The following WDTC1 variants were observed in gnomAD, a reference collection of about 807,000 sequenced individuals.
WDTC1 encodes the protein WD and tetratricopeptide repeats 1, also known as WD and tetratricopeptide repeats protein 1.
In WDTC1, 12 loss-of-function variants were observed where a neutral mutation model predicts 76.0. That is an observed-to-expected ratio of 0.16 (90% confidence interval 0.10 to 0.26). The LOEUF (loss-of-function observed/expected upper bound fraction) is 0.26. Ranked by LOEUF, WDTC1 falls within the 10% of genes least tolerant of loss-of-function variation. The pLI, the probability that WDTC1 is intolerant of heterozygous loss-of-function variation, is 1.00. For missense variants in WDTC1, 511 were observed against 908.8 expected (o/e 0.56, Z 5.63); for synonymous variants, 326 against 350.8 (o/e 0.93, Z 0.79).
intron 6 of WDTC1, among the ~76,000 whole-genome samples, chr1:27,289,009 G>A (rs764471529): frequency 0.024 from 3,551 of 147,110 alleles, 74 homozygotes; most frequent in Non-Finnish European, 0.037. Context: ...CCTCCCGGAC[G>A]GGGCGGCTGG....
Position 27,283,340 on chromosome 1 carries a change from T to G in WDTC1, c.182T>G (p.Leu61Trp), listed in dbSNP as rs2013243092. The G allele has an allele frequency of 1.2e-6, 2 of 1,613,634 alleles. No homozygotes were observed. The highest frequency in any genetic ancestry group is 2.7e-5 in the African/African-American group (2 of 74,924). Residue 61 changes from leucine (L) to tryptophan (W), a missense_variant and splice_region_variant, in exon 5 of 16, where the codon TTG becomes TGG. Coordinates refer to ENST00000319394, the MANE Select transcript of WDTC1 (RefSeq NM_001276252.2). ...ACAATCCCTCACTCTGCTTTCAGCT[T>G]GCTGGCCTCTGGTTCCGATGACCAG... ...NCLEWNEKGD[L>W]LASGSDDQHT...
intron 1 of WDTC1, among the ~76,000 whole-genome samples, chr1:27,243,707 C>A (rs1054052566): frequency 6.6e-6 from 1 of 152,088 alleles, no homozygotes; most frequent in Non-Finnish European, 1.5e-5. Flanking sequence ...CACTTGTAAA[C>A]TGTTAGAATG....
chr1:27,306,153 G>GC lies in WDTC1; in HGVS notation c.1837-29dup. 2 of 1,612,992 alleles carry GC rather than the reference G, an allele frequency of 1.2e-6. No homozygotes were observed. The highest frequency in any genetic ancestry group is 1.7e-6 in the Non-Finnish European group (2 of 1,179,536). ...TACCCTGGTGCCTCTCCCTCCCTGA[G>GC]CCCCACGTGTGTCACCCCTTTCTCC... is the stretch of plus-strand genomic sequence containing the variant. On this transcript the variant is annotated intron_variant, in intron 15 of 15. Coordinates refer to ENST00000319394, the MANE Select transcript of WDTC1 (RefSeq NM_001276252.2). The surrounding 1 kb of genome is among the most constrained non-coding windows in gnomAD (Gnocchi z 5.0).
chr1:27,243,283 G>A (rs536726453), intron 1 of WDTC1, among the ~76,000 whole-genome samples: 9 of 143,100 alleles, frequency 6.3e-5, no homozygotes, highest in South Asian at 2.2e-4. Flanking sequence ...CTCGATCTTG[G>A]CTCACTGCAA....
At chr1:27,285,360 G>C (rs1305803820) in intron 5 of WDTC1, among the ~76,000 whole-genome samples, 1 of 152,000 alleles carries the variant, frequency 6.6e-6, no homozygotes, top group Non-Finnish European at 1.5e-5. Context: ...ATGGCCCTTA[G>C]AGAAGCCTAT....
chr1:27,291,577 TG>T (rs1366241755), intron 6 of WDTC1, among the ~76,000 whole-genome samples: 2 of 152,104 alleles, frequency 1.3e-5, no homozygotes, highest in Admixed American at 1.3e-4. Flanking sequence ...TCTGGAGCGG[TG>T]GGAGTTTGCT....
chr1:27,251,325 C>T (rs1382365933), intron 1 of WDTC1, among the ~76,000 whole-genome samples: 3 of 151,892 alleles, frequency 2.0e-5, no homozygotes, highest in Admixed American at 2.0e-4. Context: ...TTTTAGAGCT[C>T]CAGGAATAGA....
chr1:27,257,788 G>T (rs1183712114), intron 1 of WDTC1, among the ~76,000 whole-genome samples: 1 of 151,922 alleles, frequency 6.6e-6, no homozygotes, highest in Non-Finnish European at 1.5e-5. Context: ...CTGTTTTTTT[G>T]TTTGTTTGTT....
rs760302708 is a variant in WDTC1 at position 27,274,102 on chromosome 1, C to T, written c.133-8137C>T. Among the ~76,000 whole-genome samples, 21 of 151,930 alleles carry T rather than the reference C, an allele frequency of 1.4e-4. No individual in the cohort carries two copies. The highest frequency in any genetic ancestry group is 2.5e-4 in the Non-Finnish European group (17 of 67,988). On this transcript the variant is annotated intron_variant, in intron 3 of 15. Coordinates refer to ENST00000319394, the MANE Select transcript of WDTC1 (RefSeq NM_001276252.2). The surrounding 1 kb of genome is among the most constrained non-coding windows in gnomAD (Gnocchi z 4.2). ...AGCCCAGAATTGTGACCAGCCTGGG[C>T]AACATAACAGGACCTCATCTCTACA...
chr1:27,248,606 T>C (rs1356725093), intron 1 of WDTC1, among the ~76,000 whole-genome samples: 1 of 152,228 alleles, frequency 6.6e-6, no homozygotes, highest in African/African-American at 2.4e-5. Context: ...TGTCTGTTAA[T>C]GATACACTTT....
intron 5 of WDTC1, among the ~76,000 whole-genome samples, chr1:27,287,152 G>A (rs2013363179): frequency 6.7e-6 from 1 of 149,898 alleles, no homozygotes; most frequent in Non-Finnish European, 1.5e-5. Flanking sequence ...GACAGAGCGA[G>A]ACGCTGTCTC....
chr1:27,255,296 G>A (rs1428418777), intron 1 of WDTC1, among the ~76,000 whole-genome samples: 1 of 152,098 alleles, frequency 6.6e-6, no homozygotes, highest in Non-Finnish European at 1.5e-5. Flanking sequence ...ACATACCATA[G>A]TTGTCAAGAG....
chr1:27,293,121 T>C (rs2013582270), intron 7 of WDTC1, among the ~76,000 whole-genome samples: 1 of 151,934 alleles, frequency 6.6e-6, no homozygotes, highest in African/African-American at 2.4e-5. Flanking sequence ...AATCCTCGCT[T>C]ATGTTGGAAA....
In WDTC1 at chr1:27,297,174, G is replaced by T; in HGVS notation, c.1058+18G>T. On this transcript the variant is annotated intron_variant, in intron 11 of 15. Transcript: ENST00000319394. ...CATGTCAGGTGAGGCCAGCTGGCTT[G>T]TCCAGCCCTCCAAGCCCCAGTTACA... 6.3e-7 allele frequency: 1 copy of T among 1,583,084 alleles called. No individual in the cohort carries two copies. Among genetic ancestry groups the T allele is most frequent in the Non-Finnish European group, 8.6e-7 (1 of 1,163,212 alleles).
rs1286599216 is a variant in WDTC1 at position 27,303,691 on chromosome 1, A to G, written c.1539A>G (p.Ser513=). The change falls in exon 14 of 16, where the codon TCA becomes TCG. Residue 513 remains serine (S), a synonymous_variant. Transcript: ENST00000319394. The surrounding 1 kb of genome is among the most constrained non-coding windows in gnomAD (Gnocchi z 4.8). ...GCACGAGCCGCAAGGACTCCATCTC[A>G]GAGGATGAAATGGTGCTGCGGGAGC... ...LRSTSRKDSI[S]EDEMVLRERS... The G allele has an allele frequency of 1.2e-6, 2 of 1,613,890 alleles. No individual in the cohort carries two copies. Among genetic ancestry groups the G allele is most frequent in the African/African-American group, 1.3e-5 (1 of 75,048 alleles).
chr1:27,302,155 G>T (rs2013846402), intron 13 of WDTC1, among the ~76,000 whole-genome samples: 1 of 152,310 alleles, frequency 6.6e-6, no homozygotes, highest in Non-Finnish European at 1.5e-5. Flanking sequence ...AAATTAATTT[G>T]TTTAATGAAT....
chr1:27,304,973 A>C (rs1570991696), intron 14 of WDTC1, 28 bp from the exon 15 acceptor site: 2 of 1,595,010 alleles, frequency 1.3e-6, no homozygotes, highest in East Asian at 2.2e-5. Context: ...ACCCCACCTG[A>C]CCTCCCTGCC....
chr1:27,249,768 G>T (rs551870613), intron 1 of WDTC1, among the ~76,000 whole-genome samples: 1 of 151,994 alleles, frequency 6.6e-6, no homozygotes, highest in Non-Finnish European at 1.5e-5. Flanking sequence ...GTAGAGACGG[G>T]ATTTTGCTGT....
rs1308621445 is a variant in WDTC1, at chr1:27,303,080, C to T, written c.1469-541C>T. Among the ~76,000 whole-genome samples the T allele has an allele frequency of 3.3e-5, 5 of 152,100 alleles. No homozygotes were observed. Among genetic ancestry groups the T allele is most frequent in the Non-Finnish European group, 7.4e-5 (5 of 68,008 alleles). ...CTGAGGTCAGGAGTTTGAGACCAGC[C>T]TGGCCAATGTGGCGAAACCCCGTCT... On this transcript the variant is annotated intron_variant, in intron 13 of 15. Coordinates refer to ENST00000319394, the MANE Select transcript of WDTC1 (RefSeq NM_001276252.2). The surrounding 1 kb of genome is among the most constrained non-coding windows in gnomAD (Gnocchi z 4.8).
Sources: gnomAD v4.1 joint callset for allele counts (sites outside exome capture counted in the v4.1 genomes callset) on GRCh38, gnomAD v4.1.1 for gene constraint, Gnocchi (gnomAD v3.1) non-coding constraint, MANE v1.5 for transcripts, NCBI Gene and HGNC (gene_info 2026-07-23, HGNC 2026-07-21) for gene names.